Variants in PGS1 observed in about 807,000 individuals in gnomAD.
PGS1 encodes the protein phosphatidylglycerophosphate synthase 1.
A neutral mutation model predicts 58.3 loss-of-function variants in PGS1; 44 were observed. That is an observed-to-expected ratio of 0.75 (90% CI 0.59 to 0.97). The LOEUF is 0.97. Among genes scored for constraint, PGS1 ranks in the 50% least tolerant of loss-of-function variants. PGS1 has a pLI of 0.00. For missense variants in PGS1, 684 were observed against 731.1 expected, an observed-to-expected ratio of 0.94 and a Z score of 0.74; for synonymous variants, 330 against 311.0, an observed-to-expected ratio of 1.06 and a Z score of -0.64.
chr17:78,397,591 C>CCCCG (rs1555631831), intron 3 of PGS1, among the ~76,000 whole-genome samples: 1 of 130,108 alleles, frequency 7.7e-6, no homozygotes, highest in African/African-American at 2.6e-5. Flanking sequence ...CATGCGCCAC[C>CCCCG]CCCCCAGCTA....
chr17:78,423,225 C>T (rs993346992), intron 9 of PGS1, among the ~76,000 whole-genome samples: 3 of 152,170 alleles, frequency 2.0e-5, no homozygotes, highest in African/African-American at 7.2e-5. Context: ...CGTGCCTGCA[C>T]CCTGCTGCCC....
At chr17:78,397,335 C>A (rs2083299763) in intron 3 of PGS1, among the ~76,000 whole-genome samples, 1 of 152,182 alleles carries the variant, frequency 6.6e-6, no homozygotes, top group African/African-American at 2.4e-5. Context: ...TTGGTCTGTC[C>A]TTGTTCAGAG....
intron 7 of PGS1, among the ~76,000 whole-genome samples, chr17:78,406,746 C>T (rs1225899119): frequency 6.6e-6 from 1 of 151,880 alleles, no homozygotes; most frequent in Non-Finnish European, 1.5e-5. Flanking sequence ...AGTGGGGCAG[C>T]TTTGACCTTT....
chr17:78,381,131 A>T (rs1011805757), intron 1 of PGS1: 11 of 152,246 alleles, frequency 7.2e-5, no homozygotes, highest in African/African-American at 2.7e-4. Context: ...GGTGTGAGCC[A>T]CTGCGCCCAG....
chr17:78,392,431 T>A (rs750795078), intron 1 of PGS1, 45 bp from the exon 2 acceptor site: 1 of 1,416,632 alleles, frequency 7.1e-7, no homozygotes, highest in South Asian at 1.3e-5. Flanking sequence ...GCAGAAGTAT[T>A]TGAGGTATTT....
chr17:78,412,617 C>T (rs1047206318), intron 7 of PGS1, among the ~76,000 whole-genome samples: 6 of 152,288 alleles, frequency 3.9e-5, no homozygotes, highest in Middle Eastern at 3.4e-3. Flanking sequence ...TGTAGAACCA[C>T]GCACCTCCAG....
At chr17:78,388,816 A>ACTGT (rs79124936) in intron 1 of PGS1, among the ~76,000 whole-genome samples, 27,799 of 151,938 alleles carry the variant, frequency 0.18, 3,404 homozygotes, top group African/African-American at 0.35. Flanking sequence ...AAGCACATGC[A>ACTGT]CTATTTGGAC....
rs1035777512 is a variant in PGS1 at position 78,400,317 on chromosome 17, G to A, written c.702-360G>A. Among the ~76,000 whole-genome samples the A allele has an allele frequency of 3.9e-5, 6 of 151,976 alleles. No individual in the cohort carries two copies. Among genetic ancestry groups the A allele is most frequent in the Non-Finnish European group, 7.4e-5 (5 of 67,978 alleles). ...GGAGGATCACTTGAACCTGGGAGGC[G>A]GAGGCTGCAGGGAGCCAAGATCATG... is the stretch of plus-strand genomic sequence containing the variant. On this transcript the variant is annotated intron_variant, in intron 5 of 9. Transcript: ENST00000262764. The surrounding 1 kb of genome is among the most constrained non-coding windows in gnomAD (Gnocchi z 4.4).
At position 78,420,001 on chromosome 17, in the gene PGS1, G is replaced by A. The variant is rs150731798; in HGVS notation, c.*10+326G>A. 5,150 of 1,154,426 alleles carry A rather than the reference G, an allele frequency of 4.5e-3. 17 individuals carry two copies. The highest frequency in any genetic ancestry group is 5.1e-3 in the Non-Finnish European group (4,750 of 924,316). The allele number at this position is 1,154,426 out of a possible 1,614,324, so 71.5% of individuals were successfully genotyped here. A position where few individuals can be genotyped will look rare whatever the true frequency, so the allele number is the denominator to read the frequency against. The stretch of plus-strand genomic sequence containing the variant: ...AGAAGCCCTGGGGCAAGGGCTCAGG[G>A]ATGAGGGGGCAGAAAGGCAGATTGA... On this transcript the variant is annotated intron_variant, in intron 9 of 9. Coordinates refer to ENST00000262764, the MANE Select transcript of PGS1 (RefSeq NM_024419.5).
chr17:78,384,212 G>C (rs1261688304), intron 1 of PGS1, among the ~76,000 whole-genome samples: 1 of 152,178 alleles, frequency 6.6e-6, no homozygotes, highest in African/African-American at 2.4e-5. Flanking sequence ...TGGGCCTCTC[G>C]TGCCGGACTT....
Position 78,385,322 on chromosome 17 carries a change from A to G in PGS1, c.143+6514A>G, listed in dbSNP as rs377621048. The stretch of plus-strand genomic sequence containing the variant: ...TTTTTTTTTTGAGATGGAGTCTCGT[A>G]CTTTCGCCCAGGTCAGAGTGCAGTG... On this transcript the variant is annotated intron_variant, in intron 1 of 9. Coordinates refer to ENST00000262764, the MANE Select transcript of PGS1 (RefSeq NM_024419.5). Among the ~76,000 whole-genome samples the G allele has an allele frequency of 4.4e-5, 6 of 134,996 alleles. No individual in the cohort carries two copies. The East Asian group carries it at 1.1e-3, about 24-fold the overall frequency. 88.6% of individuals were successfully genotyped at this position (134,996 alleles called of 152,430 possible). A position where few individuals can be genotyped will look rare whatever the true frequency, so the allele number is the denominator to read the frequency against.
chr17:78,395,992 G>A (rs2083202371), intron 2 of PGS1, among the ~76,000 whole-genome samples: 1 of 152,202 alleles, frequency 6.6e-6, no homozygotes, highest in South Asian at 2.1e-4. Flanking sequence ...TGCCTGCCTC[G>A]GCCTCCGAAA....
chr17:78,412,449 C>G (rs2084797858), intron 7 of PGS1, among the ~76,000 whole-genome samples: 1 of 152,164 alleles, frequency 6.6e-6, no homozygotes, highest in African/African-American at 2.4e-5. Context: ...CGTATACAGT[C>G]TATCTTGGGG....
At chr17:78,393,334 A>G (rs2082974834) in intron 2 of PGS1, among the ~76,000 whole-genome samples, 1 of 152,190 alleles carries the variant, frequency 6.6e-6, no homozygotes, top group Non-Finnish European at 1.5e-5. Context: ...TGCTGGGATT[A>G]CAGGCATGAG....
chr17:78,417,969 G>A (rs964365644), intron 8 of PGS1, among the ~76,000 whole-genome samples: 31 of 141,250 alleles, frequency 2.2e-4, no homozygotes, highest in Admixed American at 7.4e-4. Flanking sequence ...TTGTTCTGTC[G>A]CCCAGGCTGG....
intron 7 of PGS1, 40 bp from the exon 8 acceptor site, chr17:78,414,839 T>A: frequency 6.2e-7 from 1 of 1,608,600 alleles, no homozygotes; most frequent in Non-Finnish European, 8.5e-7. Flanking sequence ...TGGTAGATGC[T>A]GTGCTCATTT....
At chr17:78,391,536 G>T (rs1343333974) in intron 1 of PGS1, among the ~76,000 whole-genome samples, 1 of 152,106 alleles carries the variant, frequency 6.6e-6, no homozygotes, top group Admixed American at 6.5e-5. Flanking sequence ...GGGGTGCAGT[G>T]GTGCGATCTC....
chr17:78,390,457 C>T (rs1323338942), intron 1 of PGS1, among the ~76,000 whole-genome samples: 1 of 152,184 alleles, frequency 6.6e-6, no homozygotes, highest in Non-Finnish European at 1.5e-5. Context: ...AGTGACAGAC[C>T]GGTGGGCTTT....
At chr17:78,395,333 A>G (rs1416992024) in intron 2 of PGS1, among the ~76,000 whole-genome samples, 2 of 152,282 alleles carry the variant, frequency 1.3e-5, no homozygotes, top group Admixed American at 6.5e-5. Flanking sequence ...GGAAATAGCA[A>G]CCTTGGGAAG....
Sources: allele counts gnomAD v4.1 joint callset (sites outside exome capture counted in the v4.1 genomes callset), GRCh38; gene constraint gnomAD v4.1.1; non-coding constraint Gnocchi (gnomAD v3.1); transcripts MANE v1.5; gene names NCBI Gene and HGNC (gene_info 2026-07-23, HGNC 2026-07-21).